Variants in IL1RAPL1 observed in about 807,000 individuals in gnomAD.
IL1RAPL1 encodes interleukin 1 receptor accessory protein like 1.
Under a neutral mutation model 48.4 loss-of-function variants are expected in IL1RAPL1, and 3 were observed. That is an observed-to-expected ratio of 0.06 (90% confidence interval 0.03 to 0.16). The LOEUF (loss-of-function observed/expected upper bound fraction) is 0.16, where lower values mean the gene tolerates loss of function less well. IL1RAPL1 is among the 10% of genes least tolerant of loss of function. The pLI, the probability that IL1RAPL1 is intolerant of heterozygous loss-of-function variation, is 1.00. For missense variants in IL1RAPL1, 349 were observed against 530.6 expected (o/e 0.66, Z 3.36); for synonymous variants, 185 against 187.7 (o/e 0.99, Z 0.12).
intron 6 of IL1RAPL1, among the ~76,000 whole-genome samples, chrX:29,682,174 T>C (rs1347288243): frequency 2.7e-5 from 3 of 111,840 alleles, no homozygotes; most frequent in African/African-American, 9.7e-5. Context: ...TACTGAGATA[T>C]TTATATTGAG....
At chrX:28,621,615 C>T (rs983635473) in intron 1 of IL1RAPL1, among the ~76,000 whole-genome samples, 1 of 111,791 alleles carries the variant, frequency 8.9e-6, no homozygotes, top group Non-Finnish European at 1.9e-5. Flanking sequence ...TCTTCTTTGA[C>T]ACCTGTATCT....
At chrX:28,814,522 G>A (rs930243235) in intron 2 of IL1RAPL1, among the ~76,000 whole-genome samples, 2 of 109,805 alleles carry the variant, frequency 1.8e-5, no homozygotes, top group Non-Finnish European at 1.9e-5. Flanking sequence ...GTGTTAGTAT[G>A]GTATATCTTT....
At chrX:29,185,309 C>A (rs1490829811) in intron 2 of IL1RAPL1, among the ~76,000 whole-genome samples, 1 of 111,511 alleles carries the variant, frequency 9.0e-6, no homozygotes, top group East Asian at 2.8e-4. Flanking sequence ...TGTCTATATT[C>A]TTACGTTTTG....
At chrX:29,681,735 T>C (rs1054973368) in intron 6 of IL1RAPL1, among the ~76,000 whole-genome samples, 5 of 112,093 alleles carry the variant, frequency 4.5e-5, no homozygotes, top group African/African-American at 6.5e-5. Context: ...AAGCCTACTT[T>C]CATGAATGTA....
chrX:29,782,887 C>CTTTTTTTTT (rs1569167260), intron 6 of IL1RAPL1, among the ~76,000 whole-genome samples: 1 of 59,852 alleles, frequency 1.7e-5, no homozygotes, highest in African/African-American at 6.5e-5. Flanking sequence ...TTGATCGTGA[C>CTTTTTTTTT]ATTTTTTTTT....
At chrX:28,765,062 C>T (rs965679434) in intron 1 of IL1RAPL1, among the ~76,000 whole-genome samples, 1 of 106,136 alleles carries the variant, frequency 9.4e-6, no homozygotes, top group Non-Finnish European at 1.9e-5. Context: ...GACAAAAAAC[C>T]GAACACCACA....
intron 3 of IL1RAPL1, among the ~76,000 whole-genome samples, chrX:29,367,548 T>A (rs1457939460): frequency 1.0e-5 from 1 of 95,367 alleles, no homozygotes; most frequent in Non-Finnish European, 2.1e-5. Context: ...GGGCTTCTAT[T>A]TATTTTTATT....
chrX:29,484,823 TC>T (rs1935079936), intron 5 of IL1RAPL1, among the ~76,000 whole-genome samples: 1 of 111,632 alleles, frequency 9.0e-6, no homozygotes, highest in African/African-American at 3.3e-5. Context: ...TAATATGCAG[TC>T]AGGTTGAGAT....
rs189898042 is a variant in IL1RAPL1, at chrX:28,840,374, A to C, written c.82+50949A>C. The stretch of plus-strand genomic sequence containing the variant: ...TAACACTAAAACTTTAAAAGGATTT[A>C]AAATATATATCCTGTTTTTAAATCT... On this transcript the variant is annotated intron_variant, in intron 2 of 10. Transcript: ENST00000378993. 4.3e-3 allele frequency among the ~76,000 whole-genome samples: 474 copies of C among 110,612 alleles called. 6 individuals are homozygous for C. Among genetic ancestry groups the C allele is most frequent in the African/African-American group, 0.015 (455 of 30,684 alleles).
chrX:29,560,730 T>G (rs1348145452), intron 5 of IL1RAPL1, among the ~76,000 whole-genome samples: 1 of 112,538 alleles, frequency 8.9e-6, no homozygotes, highest in Non-Finnish European at 1.9e-5. Context: ...GATTTCCATA[T>G]TCATTGAACT....
At chrX:29,627,695 C>T (rs145808104) in intron 5 of IL1RAPL1, among the ~76,000 whole-genome samples, 1 of 111,345 alleles carries the variant, frequency 9.0e-6, no homozygotes, top group Non-Finnish European at 1.9e-5. Context: ...CCCCATCTAA[C>T]CCCGGTGGTA....
At chrX:29,322,463 C>A (rs1932810779) in intron 3 of IL1RAPL1, among the ~76,000 whole-genome samples, 1 of 111,029 alleles carries the variant, frequency 9.0e-6, no homozygotes, top group Non-Finnish European at 1.9e-5. Context: ...TGAGGTTTCT[C>A]CATATTGGTC....
chrX:29,378,280 G>A (rs938735072), intron 3 of IL1RAPL1, among the ~76,000 whole-genome samples: 4 of 111,291 alleles, frequency 3.6e-5, no homozygotes, highest in African/African-American at 1.3e-4. Flanking sequence ...GATTTTACTT[G>A]ATTCATTGGA....
chrX:28,802,842 A>C (rs1291700808), intron 2 of IL1RAPL1, among the ~76,000 whole-genome samples: 1 of 111,802 alleles, frequency 8.9e-6, no homozygotes, highest in Non-Finnish European at 1.9e-5. Flanking sequence ...AGGATTGATG[A>C]AAATGCGGTA....
chrX:29,297,340 G>A (rs945976153), intron 3 of IL1RAPL1, among the ~76,000 whole-genome samples: 5 of 112,442 alleles, frequency 4.4e-5, no homozygotes, highest in Admixed American at 9.4e-5. Flanking sequence ...TAATTTCAAC[G>A]TTTTGCATGA....
chrX:29,344,858 G>A (rs754783891), intron 3 of IL1RAPL1, among the ~76,000 whole-genome samples: 33 of 111,923 alleles, frequency 2.9e-4, no homozygotes, highest in Non-Finnish European at 4.9e-4. Context: ...GGATGGTCTC[G>A]AACTCCTGAC....
intron 2 of IL1RAPL1, among the ~76,000 whole-genome samples, chrX:29,218,791 A>T (rs1202374047): frequency 8.9e-6 from 1 of 112,268 alleles, no homozygotes; most frequent in Non-Finnish European, 1.9e-5. Context: ...AGTCATGTTA[A>T]TGGCATCAGA....
At chrX:29,643,995 A>G (rs772911731) in intron 5 of IL1RAPL1, among the ~76,000 whole-genome samples, 1 of 112,372 alleles carries the variant, frequency 8.9e-6, no homozygotes, top group Non-Finnish European at 1.9e-5. Context: ...TTTAATACCT[A>G]TCTCATAAAT....
chrX:29,548,575 T>G (rs1268637826), intron 5 of IL1RAPL1, among the ~76,000 whole-genome samples: 2 of 112,275 alleles, frequency 1.8e-5, no homozygotes, highest in Non-Finnish European at 3.8e-5. Context: ...AATAGAAAAT[T>G]AAACGTGAAA....
Sources: allele counts gnomAD v4.1 joint callset (sites outside exome capture counted in the v4.1 genomes callset), GRCh38; gene constraint gnomAD v4.1.1; transcripts MANE v1.5; gene names NCBI Gene and HGNC (gene_info 2026-07-23, HGNC 2026-07-21).